Variants in ANKRD28 observed in about 807,000 individuals in gnomAD.
The protein encoded by ANKRD28 is serine/threonine-protein phosphatase 6 regulatory ankyrin repeat subunit A.
ANKRD28 carries 44 observed loss-of-function variants against 126.5 expected under a neutral mutation model. The observed-to-expected ratio is 0.35, with a 90% CI of 0.27 to 0.45. ANKRD28 has a LOEUF of 0.45. Ranked by LOEUF, ANKRD28 falls within the 20% of genes least tolerant of loss-of-function variation. The probability of loss-of-function intolerance (pLI) is 1.00; values close to 1 mark genes in which losing one functional copy is unlikely to be tolerated. For missense variants in ANKRD28, 1,110 were observed against 1,316.6 expected (o/e 0.84, Z 2.43); for synonymous variants, 442 against 468.5 (o/e 0.94, Z 0.73).
At chr3:15,710,378 C>A (rs1249484544) in intron 12 of ANKRD28, among the ~76,000 whole-genome samples, 1 of 152,150 alleles carries the variant, frequency 6.6e-6, no homozygotes, top group Non-Finnish European at 1.5e-5. Context: ...ACACTCAAGT[C>A]TGTTGTCCCT....
chr3:15,698,606 A>G (rs907301673), intron 14 of ANKRD28, among the ~76,000 whole-genome samples: 1 of 152,222 alleles, frequency 6.6e-6, no homozygotes, highest in Non-Finnish European at 1.5e-5. Context: ...ACAGACAAAC[A>G]GAGAGCCAAA....
chr3:15,735,179 C>T (rs1043824952), intron 6 of ANKRD28, among the ~76,000 whole-genome samples: 5 of 152,140 alleles, frequency 3.3e-5, no homozygotes, highest in African/African-American at 9.6e-5. Context: ...TCTGGGACAT[C>T]TCTTTTTTTA....
chr3:15,737,546 C>CTATTA (rs1210391279), intron 4 of ANKRD28, among the ~76,000 whole-genome samples: 1 of 152,160 alleles, frequency 6.6e-6, no homozygotes, highest in South Asian at 2.1e-4. Flanking sequence ...CTCACCGTAA[C>CTATTA]TTCAAATTCC....
chr3:15,768,984 G>A (rs2058875461), intron 2 of ANKRD28, among the ~76,000 whole-genome samples: 1 of 152,102 alleles, frequency 6.6e-6, no homozygotes, highest in African/African-American at 2.4e-5. Context: ...GCAAAGATGT[G>A]TCCTAATTTA....
chr3:15,748,347 G>C (rs1035751458), intron 4 of ANKRD28, among the ~76,000 whole-genome samples: 1 of 152,092 alleles, frequency 6.6e-6, no homozygotes, highest in Non-Finnish European at 1.5e-5. Context: ...TTCTTTCAAG[G>C]TTTAGAGCTC....
At chr3:15,773,291 A>C (rs960756857) in intron 2 of ANKRD28, among the ~76,000 whole-genome samples, 3 of 152,210 alleles carry the variant, frequency 2.0e-5, no homozygotes, top group Non-Finnish European at 4.4e-5. Context: ...AAAAAGAGAA[A>C]GAAGGAAAAT....
intron 2 of ANKRD28, among the ~76,000 whole-genome samples, chr3:15,782,276 T>C (rs758335188): frequency 9.2e-5 from 14 of 152,004 alleles, no homozygotes; most frequent in Non-Finnish European, 2.1e-4. Context: ...TGGAGTAGAG[T>C]ACTCAGGAGA....
At position 15,737,340 on chromosome 3, in the gene ANKRD28, A is replaced by T. The variant is rs926842924; in HGVS notation, c.352-107T>A. 50 of 951,148 alleles carry T rather than the reference A, an allele frequency of 5.3e-5. No homozygotes were observed. In the East Asian group the frequency reaches 1.3e-3, roughly 25 times the overall value. The allele number at this position is 951,148 out of a possible 1,614,324, so 58.9% of individuals were successfully genotyped here. A position where few individuals can be genotyped will look rare whatever the true frequency, so the allele number is the denominator to read the frequency against. On this transcript the variant is annotated intron_variant, in intron 4 of 27. Coordinates refer to ENST00000683139, the MANE Select transcript of ANKRD28 (RefSeq NM_001349278.2). The stretch of plus-strand genomic sequence containing the variant: ...TATAAATATGTATCTACATATGAAG[A>T]AAATAAAAAAGCTCTCATAGAACTC...
At chr3:15,800,489 A>C (rs1276666783), upstream of ANKRD28, among the ~76,000 whole-genome samples, 1 of 152,122 alleles carries the variant, frequency 6.6e-6, no homozygotes, top group African/African-American at 2.4e-5. Context: ...TCCCTTGTGA[A>C]GCCAGTGAGT....
At chr3:15,857,269 T>C (rs1255713807) in intron 1 of ANKRD28, among the ~76,000 whole-genome samples, 1 of 152,140 alleles carries the variant, frequency 6.6e-6, no homozygotes, top group Non-Finnish European at 1.5e-5. Context: ...CCTGAGCCAT[T>C]AGGTTTACAA....
chr3:15,799,598 A>G (rs1426945537), upstream of ANKRD28, among the ~76,000 whole-genome samples: 2 of 152,128 alleles, frequency 1.3e-5, no homozygotes, highest in Non-Finnish European at 2.9e-5. Flanking sequence ...AAATATCTGA[A>G]AGTGAAACAA....
At chr3:15,857,181 ATTTCTCAAAGTC>A (rs1255524820) in intron 1 of ANKRD28, among the ~76,000 whole-genome samples, 1 of 152,202 alleles carries the variant, frequency 6.6e-6, no homozygotes, top group Non-Finnish European at 1.5e-5. Context: ...AACCAAACTT[ATTTCTCAAAGTC>A]TTCCAAGAGA....
At chr3:15,711,692 AT>A (rs879312791) in intron 11 of ANKRD28, among the ~76,000 whole-genome samples, 193 of 144,734 alleles carry the variant, frequency 1.3e-3, no homozygotes, top group African/African-American at 1.8e-3. Flanking sequence ...GGTTTTCTGT[AT>A]TTTTTTTTTT....
chr3:15,850,647 T>C (rs980241520), intron 1 of ANKRD28, among the ~76,000 whole-genome samples: 1 of 152,206 alleles, frequency 6.6e-6, no homozygotes, highest in Non-Finnish European at 1.5e-5. Context: ...CACACGGAGA[T>C]TCCTGGACAG....
rs7611203 is a variant in ANKRD28, at chr3:15,845,485, A to T, written c.27+13892T>A. 0.67 allele frequency among the ~76,000 whole-genome samples: 101,955 copies of T among 152,048 alleles called. 34,694 individuals carry two copies. The highest frequency in any genetic ancestry group is 0.91 in the East Asian group (4,709 of 5,176). On this transcript the variant is annotated intron_variant, in intron 1 of 27. Coordinates refer to the ANKRD28 transcript ENST00000399451. The surrounding 1 kb of genome is among the most constrained non-coding windows in gnomAD (Gnocchi z 4.9). The stretch of plus-strand genomic sequence containing the variant: ...ACATCTCTATTTCAATCATTCAGGC[A>T]CTTACAGACATGCTAGTTTCTAACT...
chr3:15,735,642 G>A, intron 5 of ANKRD28, 145 bp from the exon 6 acceptor site: 2 of 602,610 alleles, frequency 3.3e-6, no homozygotes, highest in Non-Finnish European at 5.7e-6. Context: ...AAATACTGAA[G>A]GTCATTTAAC....
chr3:15,859,622 G>A, exon 1 of ANKRD28: 1 of 177,538 alleles, frequency 5.6e-6, no homozygotes, highest in Non-Finnish European at 1.1e-5. Flanking sequence ...GAGGTGAGGT[G>A]CCCGGCCGGT....
intron 1 of ANKRD28, among the ~76,000 whole-genome samples, chr3:15,837,919 C>T (rs966299290): frequency 4.8e-5 from 7 of 145,850 alleles, no homozygotes; most frequent in African/African-American, 1.5e-4. Flanking sequence ...AATGAAGATA[C>T]TAATTACCAA....
rs1479555468 is a variant in ANKRD28 at position 15,830,679 on chromosome 3, GA to G, written c.27+28697del. 6.6e-6 allele frequency among the ~76,000 whole-genome samples: 1 copy of G among 152,012 alleles called. No homozygotes were observed. The highest frequency in any genetic ancestry group is 1.5e-5 in the Non-Finnish European group (1 of 68,016). On this transcript the variant is annotated intron_variant, in intron 1 of 27. Coordinates refer to the ANKRD28 transcript ENST00000399451. The surrounding 1 kb of genome is among the most constrained non-coding windows in gnomAD (Gnocchi z 4.5). The stretch of plus-strand genomic sequence containing the variant: ...CAGTAATGGATTAATTTTGGCCAAA[GA>G]AAGGTTTGGCCCTTGCTCAGCTCCT...
Sources: allele counts gnomAD v4.1 joint callset (sites outside exome capture counted in the v4.1 genomes callset), GRCh38; gene constraint gnomAD v4.1.1; non-coding constraint Gnocchi (gnomAD v3.1); transcripts MANE v1.5; gene names NCBI Gene and HGNC (gene_info 2026-07-23, HGNC 2026-07-21).